Variants in CIMAP1D observed in about 807,000 individuals in gnomAD.
CIMAP1D encodes CIMAP1 family member D.
chr19:475,063 A>G, the CIMAP1D span: 1 of 283,202 alleles, frequency 3.5e-6, no homozygotes, highest in African/African-American at 2.2e-5. Context: ...AGAGCTGGGC[A>G]GCTGGGGCCA....
the CIMAP1D span, chr19:475,066 TGGG>T: frequency 3.6e-6 from 1 of 277,608 alleles, no homozygotes; most frequent in African/African-American, 2.2e-5. Flanking sequence ...GCTGGGCAGC[TGGG>T]GCCAGGGCCG....
At chr19:474,941 T>C in the CIMAP1D span, 54 of 447,536 alleles carry the variant, frequency 1.2e-4, no homozygotes, top group Non-Finnish European at 1.8e-4. Flanking sequence ...CAAGGCAGGC[T>C]GGTCGGCCGG....
the CIMAP1D span, among the ~76,000 whole-genome samples, chr19:470,644 G>A: frequency 1.3e-5 from 2 of 152,268 alleles, no homozygotes; most frequent in African/African-American, 4.8e-5. Flanking sequence ...CTGAGAACAG[G>A]CTGCTGTCCT....
At chr19:471,180 G>C in the CIMAP1D span, among the ~76,000 whole-genome samples, 1 of 151,978 alleles carries the variant, frequency 6.6e-6, no homozygotes, top group Admixed American at 6.6e-5. Context: ...ACGGAGTCTC[G>C]CTCTGTCGCC....
the CIMAP1D span, chr19:474,595 A>AC: frequency 6.7e-7 from 1 of 1,490,834 alleles, no homozygotes; most frequent in Non-Finnish European, 9.0e-7. Flanking sequence ...AAAAGGTCCC[A>AC]CCCATCCCCC....
chr19:491,032 G>T, the CIMAP1D span, among the ~76,000 whole-genome samples: 1 of 151,998 alleles, frequency 6.6e-6, no homozygotes, highest in Non-Finnish European at 1.5e-5. Flanking sequence ...GGAGGCAGAG[G>T]TTGCAGTGAG....
the CIMAP1D span, among the ~76,000 whole-genome samples, chr19:470,706 A>G: frequency 5.9e-5 from 9 of 152,146 alleles, no homozygotes; most frequent in African/African-American, 2.2e-4. Context: ...ATCCCCACAC[A>G]AGACCCTTCC....
the CIMAP1D span, among the ~76,000 whole-genome samples, chr19:476,354 A>G: frequency 1.3e-5 from 2 of 151,288 alleles, no homozygotes; most frequent in African/African-American, 2.4e-5. Flanking sequence ...CGCCCAGCCA[A>G]TTTTTTTGTA....
At chr19:464,064 T>G in the CIMAP1D span, 15 of 1,541,836 alleles carry the variant, frequency 9.7e-6, no homozygotes, top group Non-Finnish European at 1.2e-5. Context: ...AGGCAGGCGC[T>G]GGCGGTAGGT....
the CIMAP1D span, chr19:464,472 G>A: frequency 1.4e-6 from 1 of 712,686 alleles, no homozygotes; most frequent in Non-Finnish European, 2.5e-6. Flanking sequence ...CGCTTCTCAA[G>A]CAGCCTGGGT....
the CIMAP1D span, among the ~76,000 whole-genome samples, chr19:468,660 G>A: frequency 5.9e-5 from 9 of 152,204 alleles, no homozygotes; most frequent in Non-Finnish European, 1.2e-4. Flanking sequence ...TTATTGCCAC[G>A]CCAAAGCACA....
chr19:477,339 C>A, the CIMAP1D span, among the ~76,000 whole-genome samples: 1 of 152,152 alleles, frequency 6.6e-6, no homozygotes, highest in East Asian at 1.9e-4. Context: ...TCTGGGAGGC[C>A]GAGGCGGGCG....
At chr19:484,551 G>C in the CIMAP1D span, among the ~76,000 whole-genome samples, 1 of 152,236 alleles carries the variant, frequency 6.6e-6, no homozygotes, top group African/African-American at 2.4e-5. Flanking sequence ...ACATACGGTG[G>C]CCAGGAAGGC....
At chr19:485,087 G>C in the CIMAP1D span, among the ~76,000 whole-genome samples, 1 of 152,100 alleles carries the variant, frequency 6.6e-6, no homozygotes. Context: ...GTGAAGGGGA[G>C]TGAGAGGAGG....
chr19:485,721 G>A, the CIMAP1D span, among the ~76,000 whole-genome samples: 32 of 152,206 alleles, frequency 2.1e-4, no homozygotes, highest in Non-Finnish European at 3.8e-4. Context: ...ATGAGGGTGC[G>A]ACAGCTGGGA....
At chr19:484,689 C>T in the CIMAP1D span, among the ~76,000 whole-genome samples, 588 of 152,252 alleles carry the variant, frequency 3.9e-3, 3 homozygotes, top group African/African-American at 0.013. Context: ...GGGGCAGGAC[C>T]GCACCTGGCG....
At chr19:473,727 G>A in the CIMAP1D span, among the ~76,000 whole-genome samples, 54 of 117,342 alleles carry the variant, frequency 4.6e-4, no homozygotes, top group Middle Eastern at 0.013. Context: ...AGAGATACAC[G>A]ATCACAGATG....
the CIMAP1D span, among the ~76,000 whole-genome samples, chr19:481,184 T>G: frequency 3.4e-5 from 4 of 117,292 alleles, no homozygotes; most frequent in African/African-American, 3.8e-5. Context: ...AGAAGGAATG[T>G]GGGAAGGATG....
At chr19:467,883 C>T in the CIMAP1D span, 1 of 639,714 alleles carries the variant, frequency 1.6e-6, no homozygotes, top group African/African-American at 1.9e-5. Context: ...CACCCCAGTC[C>T]CATCTCGGAG....
Sources: gnomAD v4.1 joint callset for allele counts (sites outside exome capture counted in the v4.1 genomes callset) on GRCh38, gnomAD v4.1.1 for gene constraint, MANE v1.5 for transcripts, NCBI Gene and HGNC (gene_info 2026-07-23, HGNC 2026-07-21) for gene names.